The following DNER variants were observed in gnomAD, a reference collection of about 807,000 sequenced individuals.
DNER encodes the protein delta and Notch-like epidermal growth factor-related receptor.
In DNER, 33 loss-of-function variants were observed where a neutral mutation model predicts 78.2. The ratio of observed to expected loss-of-function variants is 0.42; its 90% CI spans 0.32 to 0.56. The LOEUF (loss-of-function observed/expected upper bound fraction) is 0.56, where lower values mean the gene tolerates loss of function less well. Ranked by LOEUF, DNER falls within the 20% of genes least tolerant of loss-of-function variation. The probability of loss-of-function intolerance (pLI) is 0.11; values close to 1 mark genes in which losing one functional copy is unlikely to be tolerated. For missense variants in DNER, 918 were observed against 975.3 expected (o/e 0.94, Z 0.78); for synonymous variants, 417 against 384.8 (o/e 1.08, Z -0.98).
At chr2:229,617,938 T>C (rs1311153449) in intron 1 of DNER, among the ~76,000 whole-genome samples, 6 of 152,176 alleles carry the variant, frequency 3.9e-5, no homozygotes, top group Admixed American at 3.9e-4. Context: ...CACTCCAATC[T>C]GGGCGACTGA....
intron 8 of DNER, among the ~76,000 whole-genome samples, chr2:229,426,303 T>C (rs1693876003): frequency 6.6e-6 from 1 of 151,608 alleles, no homozygotes; most frequent in Non-Finnish European, 1.5e-5. Context: ...TAGCTGGGCG[T>C]GGTGGCGGGT....
intron 4 of DNER, among the ~76,000 whole-genome samples, chr2:229,549,997 C>CT (rs542301504): frequency 1.3e-3 from 203 of 151,446 alleles, no homozygotes; most frequent in African/African-American, 4.8e-3. Context: ...TAGTTCTATG[C>CT]TTTTTTTTCT....
At chr2:229,482,465 G>A (rs1023840439) in intron 6 of DNER, among the ~76,000 whole-genome samples, 1 of 152,312 alleles carries the variant, frequency 6.6e-6, no homozygotes, top group African/African-American at 2.4e-5. Flanking sequence ...AAAAGATACC[G>A]CACGGTGTGG....
intron 1 of DNER, among the ~76,000 whole-genome samples, chr2:229,643,198 G>C (rs904843425): frequency 6.6e-6 from 1 of 152,198 alleles, no homozygotes; most frequent in Non-Finnish European, 1.5e-5. Flanking sequence ...GCCTGGGTGA[G>C]AGAGTGAGCC....
intron 5 of DNER, among the ~76,000 whole-genome samples, chr2:229,519,310 C>T (rs1035900341): frequency 3.9e-5 from 6 of 152,154 alleles, no homozygotes; most frequent in Non-Finnish European, 8.8e-5. Context: ...CAAGTCTTCT[C>T]AGCAGCTATA....
chr2:229,632,594 A>G (rs1173423413), intron 1 of DNER, among the ~76,000 whole-genome samples: 1 of 152,234 alleles, frequency 6.6e-6, no homozygotes, highest in African/African-American at 2.4e-5. Flanking sequence ...CAACTCACCA[A>G]ATAATTATAA....
At chr2:229,564,165 A>G (rs1697046230) in intron 4 of DNER, among the ~76,000 whole-genome samples, 1 of 137,654 alleles carries the variant, frequency 7.3e-6, no homozygotes, top group African/African-American at 2.8e-5. Flanking sequence ...CAACATCATC[A>G]CCCCATCAAC....
intron 11 of DNER, among the ~76,000 whole-genome samples, chr2:229,378,926 A>G (rs2106331398): frequency 1.3e-5 from 2 of 152,220 alleles, no homozygotes; most frequent in South Asian, 4.2e-4. Context: ...CCTCATACAC[A>G]CGGTCTCCTT....
intron 1 of DNER, among the ~76,000 whole-genome samples, chr2:229,707,786 G>T (rs913140962): frequency 1.3e-5 from 2 of 152,222 alleles, no homozygotes; most frequent in Non-Finnish European, 2.9e-5. Context: ...AGTCTAGACT[G>T]CCAGCTCATG....
chr2:229,605,931 G>C (rs1490736765), intron 1 of DNER, among the ~76,000 whole-genome samples: 1 of 152,178 alleles, frequency 6.6e-6, no homozygotes, highest in Non-Finnish European at 1.5e-5. Context: ...CCTTGCATAT[G>C]CAAATGCCAT....
chr2:229,596,468 A>G (rs1007843069), intron 1 of DNER, among the ~76,000 whole-genome samples: 2 of 152,194 alleles, frequency 1.3e-5, no homozygotes, highest in African/African-American at 4.8e-5. Context: ...AAGAGTACAG[A>G]CCCACTTCAC....
chr2:229,521,908 T>C (rs1391064866), intron 5 of DNER, among the ~76,000 whole-genome samples: 2 of 152,200 alleles, frequency 1.3e-5, no homozygotes, highest in Non-Finnish European at 2.9e-5. Context: ...TCATTACACA[T>C]GTAACTTAAC....
In DNER at chr2:229,572,394, G is replaced by T. The variant is rs56807382; in HGVS notation, c.847+13464C>A. On this transcript the variant is annotated intron_variant, in intron 4 of 12. Coordinates refer to ENST00000341772, the MANE Select transcript of DNER (RefSeq NM_139072.4). ...GCCACATCATCTCAAAATCATTAAC[G>T]TCTAACTAGAGTAACAATTACATGT... 2.1e-3 allele frequency among the ~76,000 whole-genome samples: 317 copies of T among 152,240 alleles called. 1 individual carries two copies. The highest frequency in any genetic ancestry group is 7.5e-3 in the African/African-American group (310 of 41,536).
At chr2:229,533,077 C>A (rs767315531) in intron 5 of DNER, among the ~76,000 whole-genome samples, 2 of 152,132 alleles carry the variant, frequency 1.3e-5, no homozygotes, top group African/African-American at 2.4e-5. Context: ...AGATGAGAGA[C>A]TACAATGTGG....
chr2:229,573,714 A>G (rs1179393577), intron 4 of DNER, among the ~76,000 whole-genome samples: 2 of 152,226 alleles, frequency 1.3e-5, no homozygotes, highest in African/African-American at 4.8e-5. Flanking sequence ...ATCTTCTGGA[A>G]TATGACTGTT....
chr2:229,581,128 C>A lies in DNER; in HGVS notation c.847+4730G>T, dbSNP rs554194781. Among the ~76,000 whole-genome samples, 23 of 152,236 alleles carry A rather than the reference C, an allele frequency of 1.5e-4. No homozygotes were observed. In the East Asian group the frequency reaches 4.5e-3, roughly 29 times the overall value. ...TAAAAGCAGCACAAAGGGGCTTTCA[C>A]CAAAGGAAATGGTGACCTTCAGCAG... On this transcript the variant is annotated intron_variant, in intron 4 of 12. Transcript: ENST00000341772.
At chr2:229,522,886 T>C (rs1696129248) in intron 5 of DNER, among the ~76,000 whole-genome samples, 1 of 152,146 alleles carries the variant, frequency 6.6e-6, no homozygotes, top group Non-Finnish European at 1.5e-5. Flanking sequence ...CCAACAGCCT[T>C]CCAAAATAAG....
At chr2:229,713,704 C>A (rs1362129682) in intron 1 of DNER, among the ~76,000 whole-genome samples, 1 of 152,244 alleles carries the variant, frequency 6.6e-6, no homozygotes, top group Non-Finnish European at 1.5e-5. Context: ...CACCGCACAC[C>A]CTTTACACAC....
At chr2:229,606,661 G>A (rs1478175269) in intron 1 of DNER, among the ~76,000 whole-genome samples, 1 of 152,132 alleles carries the variant, frequency 6.6e-6, no homozygotes. Context: ...GGGAGGCCAA[G>A]GCAGGAGGAT....
Sources: gnomAD v4.1 joint callset for allele counts (sites outside exome capture counted in the v4.1 genomes callset) on GRCh38, gnomAD v4.1.1 for gene constraint, MANE v1.5 for transcripts, NCBI Gene and HGNC (gene_info 2026-07-23, HGNC 2026-07-21) for gene names.